RAB7A: variants seen among roughly 807,000 people sequenced by gnomAD.
The protein encoded by RAB7A is RAB7A, member RAS oncogene family.
RAB7A carries 2 observed loss-of-function variants against 24.5 expected under a neutral mutation model. The observed-to-expected ratio is 0.08, with a 90% CI of 0.03 to 0.26. The LOEUF is 0.26. Among genes scored for constraint, RAB7A ranks in the 10% least tolerant of loss-of-function variants. RAB7A has a pLI of 1.00. For missense variants in RAB7A, 118 were observed against 255.7 expected (o/e 0.46, Z 3.67); for synonymous variants, 100 against 95.9 (o/e 1.04, Z -0.25).
At chr3:128,805,134 T>C (rs1026326659) in intron 3 of RAB7A, among the ~76,000 whole-genome samples, 2 of 152,142 alleles carry the variant, frequency 1.3e-5, no homozygotes, top group African/African-American at 4.8e-5. Flanking sequence ...TGTTTGTTTG[T>C]TTGTTTGTTT....
rs140811009 is a variant in RAB7A at position 128,759,605 on chromosome 3, C to T, written c.-9+33246C>T. ...GACATTCTGTTCTTTAACACTTCCT[C>T]CTCAGCCTGAAGATCTCAGCTTTTG... is the stretch of plus-strand genomic sequence containing the variant. On this transcript the variant is annotated intron_variant, in intron 1 of 5. Coordinates refer to ENST00000265062, the MANE Select transcript of RAB7A (RefSeq NM_004637.6). 5.9e-3 allele frequency among the ~76,000 whole-genome samples: 896 copies of T among 152,370 alleles called. 7 individuals are homozygous for T. Among genetic ancestry groups the T allele is most frequent in the African/African-American group, 0.021 (855 of 41,588 alleles).
chr3:128,763,194 A>ATATG (rs1437489975), intron 1 of RAB7A, among the ~76,000 whole-genome samples: 2 of 99,588 alleles, frequency 2.0e-5, no homozygotes, highest in African/African-American at 1.0e-4. Flanking sequence ...TAGCTTATAT[A>ATATG]TATATATATA....
chr3:128,810,120 G>T (rs944152538), intron 5 of RAB7A, among the ~76,000 whole-genome samples: 13 of 150,490 alleles, frequency 8.6e-5, no homozygotes, highest in African/African-American at 2.9e-4. Flanking sequence ...AGCTAATTTT[G>T]GTAATTTTTT....
intron 1 of RAB7A, 67 bp from the exon 2 acceptor site, chr3:128,795,293 G>T (rs1488697374): frequency 1.5e-6 from 2 of 1,336,542 alleles, no homozygotes; most frequent in African/African-American, 2.9e-5. Context: ...AGACATTTGT[G>T]CAAGGGAGGT....
intron 1 of RAB7A, among the ~76,000 whole-genome samples, chr3:128,744,102 TA>T (rs58045599): frequency 0.052 from 7,405 of 141,538 alleles, 184 homozygotes; most frequent in Non-Finnish European, 0.063. Context: ...TTCTTGCTCT[TA>T]AAAAAAAAAA....
At chr3:128,761,821 CTACTT>C (rs1393723908) in intron 1 of RAB7A, among the ~76,000 whole-genome samples, 3 of 152,186 alleles carry the variant, frequency 2.0e-5, no homozygotes, top group East Asian at 3.8e-4. Context: ...GTGAATAAGA[CTACTT>C]TAGGCATTAC....
At chr3:128,810,252 A>G (rs1933897278) in intron 5 of RAB7A, among the ~76,000 whole-genome samples, 1 of 151,690 alleles carries the variant, frequency 6.6e-6, no homozygotes, top group East Asian at 1.9e-4. Flanking sequence ...GGCCTGCCAC[A>G]TTTCTTTTTT....
At chr3:128,793,785 G>C (rs1933511950) in intron 1 of RAB7A, among the ~76,000 whole-genome samples, 1 of 152,224 alleles carries the variant, frequency 6.6e-6, no homozygotes, top group African/African-American at 2.4e-5. Flanking sequence ...GCACTAGTAA[G>C]AACTTTCTAG....
intron 4 of RAB7A, 70 bp from the exon 5 acceptor site, chr3:128,807,472 TC>T (rs1933830613): frequency 3.1e-6 from 5 of 1,608,826 alleles, no homozygotes; most frequent in Non-Finnish European, 4.2e-6. Flanking sequence ...CCATGACACT[TC>T]CTGGGGAGGA....
chr3:128,776,879 TCTAACGGGTGTGAGGTGGTATC>T (rs1168596015), intron 1 of RAB7A, among the ~76,000 whole-genome samples: 1 of 151,740 alleles, frequency 6.6e-6, no homozygotes, highest in Admixed American at 6.6e-5. Context: ...TAGTAGCCAT[TCTAACGGGTGTGAGGTGGTATC>T]TCAGTGTGGC....
At chr3:128,734,303 C>A (rs2070468552) in intron 1 of RAB7A, among the ~76,000 whole-genome samples, 1 of 151,728 alleles carries the variant, frequency 6.6e-6, no homozygotes, top group South Asian at 2.1e-4. Flanking sequence ...TGGTGGTGGG[C>A]ACTTGTAATT....
At chr3:128,738,169 C>T (rs1474053803) in intron 1 of RAB7A, among the ~76,000 whole-genome samples, 1 of 151,992 alleles carries the variant, frequency 6.6e-6, no homozygotes. Flanking sequence ...AGTAGCTGGG[C>T]TTACAGTTGT....
intron 1 of RAB7A, among the ~76,000 whole-genome samples, chr3:128,756,889 G>A (rs1038314661): frequency 2.1e-5 from 3 of 144,892 alleles, no homozygotes; most frequent in Non-Finnish European, 3.0e-5. Flanking sequence ...TGTCACCCAC[G>A]CTGGAGTGCA....
At chr3:128,786,849 T>C (rs999348006) in intron 1 of RAB7A, among the ~76,000 whole-genome samples, 1 of 152,238 alleles carries the variant, frequency 6.6e-6, no homozygotes, top group Non-Finnish European at 1.5e-5. Flanking sequence ...TAGGTTCATC[T>C]CATCATAATT....
chr3:128,777,796 A>T (rs986695077), intron 1 of RAB7A, among the ~76,000 whole-genome samples: 51 of 152,240 alleles, frequency 3.3e-4, no homozygotes, highest in African/African-American at 1.2e-3. Context: ...ATCTTGGCTC[A>T]TTGCAACCTC....
intron 5 of RAB7A, among the ~76,000 whole-genome samples, chr3:128,811,263 A>G (rs558484207): frequency 3.7e-4 from 56 of 152,268 alleles, no homozygotes; most frequent in Middle Eastern, 6.8e-3. Flanking sequence ...AGTAGGTAGG[A>G]CTACAGGCAC....
chr3:128,736,565 G>A (rs1233882584), intron 1 of RAB7A, among the ~76,000 whole-genome samples: 1 of 152,112 alleles, frequency 6.6e-6, no homozygotes, highest in African/African-American at 2.4e-5. Flanking sequence ...ATTGATGGCT[G>A]TCTTGGCAAA....
chr3:128,767,871 AT>A (rs1313087252), intron 1 of RAB7A, among the ~76,000 whole-genome samples: 2 of 152,082 alleles, frequency 1.3e-5, no homozygotes, highest in Non-Finnish European at 2.9e-5. Flanking sequence ...CCTTTTATTT[AT>A]TTATTTTTTA....
At chr3:128,741,648 T>G (rs2070555475) in intron 1 of RAB7A, among the ~76,000 whole-genome samples, 1 of 151,836 alleles carries the variant, frequency 6.6e-6, no homozygotes, top group African/African-American at 2.4e-5. Context: ...CTTCCCAAAG[T>G]GCTGGGATTA....
Sources: allele counts gnomAD v4.1 joint callset (sites outside exome capture counted in the v4.1 genomes callset), GRCh38; gene constraint gnomAD v4.1.1; transcripts MANE v1.5; gene names NCBI Gene and HGNC (gene_info 2026-07-23, HGNC 2026-07-21).